The following CEP152 variants were observed in gnomAD, a reference collection of about 807,000 sequenced individuals.
CEP152 encodes centrosomal protein 152.
A neutral mutation model predicts 188.9 loss-of-function variants in CEP152; 132 were observed. The observed-to-expected ratio is 0.70, with a 90% CI of 0.61 to 0.81. The LOEUF (loss-of-function observed/expected upper bound fraction) is 0.81. Ranked by LOEUF, CEP152 falls within the 30% of genes least tolerant of loss-of-function variation. CEP152 has a pLI of 0.00. For missense variants in CEP152, 1,914 were observed against 1,969.8 expected (o/e 0.97, Z 0.54); for synonymous variants, 649 against 666.6 (o/e 0.97, Z 0.41).
chr15:48,783,139 T>C (rs1487061789), intron 10 of CEP152: 1 of 152,256 alleles, frequency 6.6e-6, no homozygotes, highest in Non-Finnish European at 1.5e-5. Flanking sequence ...GTTTTCACAA[T>C]GTGAGCTACT....
chr15:48,736,791 A>G (rs183886124), downstream of CEP152, among the ~76,000 whole-genome samples: 1 of 152,350 alleles, frequency 6.6e-6, no homozygotes, highest in African/African-American at 2.4e-5. Context: ...AGTTTAAATA[A>G]CTGACATGGA....
chr15:48,769,645 T>G (rs1376082532), intron 13 of CEP152, among the ~76,000 whole-genome samples: 1 of 152,216 alleles, frequency 6.6e-6, no homozygotes, highest in Non-Finnish European at 1.5e-5. Context: ...TTTTGTTTTA[T>G]AATAAATGAT....
intron 20 of CEP152, 22 bp from the exon 21 acceptor site, chr15:48,752,491 G>T: frequency 6.2e-7 from 1 of 1,611,890 alleles, no homozygotes; most frequent in Non-Finnish European, 8.5e-7. Context: ...TATCTTCAAA[G>T]TTAATGCTTA....
At position 48,782,193 on chromosome 15, in the gene CEP152, C is replaced by A; in HGVS notation, c.1359G>T (p.Leu453=). The stretch of plus-strand genomic sequence containing the variant: ...TAGCATGTGCCTTCTGTGCTTGCTG[C>A]AGCTGGAACTGTAGCTGAGCCACCT... ...VQEVAQLQFQ[L]QQAQKAHAMS... Residue 453 remains leucine (L), a synonymous_variant, in exon 11 of 27, where the codon CTG becomes CTT. Transcript: ENST00000380950. 6.2e-7 allele frequency: 1 copy of A among 1,613,904 alleles called. No individual in the cohort carries two copies. Among genetic ancestry groups the A allele is most frequent in the Non-Finnish European group, 8.5e-7 (1 of 1,179,858 alleles).
At chr15:48,731,960 T>C (rs987418503) in intron 2 of CEP152, among the ~76,000 whole-genome samples, 2 of 152,132 alleles carry the variant, frequency 1.3e-5, no homozygotes, top group Admixed American at 1.3e-4. Context: ...ATTAGAGAAA[T>C]GCAAATCAAA....
At chr15:48,748,737 AGT>A in intron 21 of CEP152, 127 bp from the exon 22 acceptor site, 1 of 1,013,438 alleles carries the variant, frequency 9.9e-7, no homozygotes, top group Non-Finnish European at 1.3e-6. Flanking sequence ...CGACTGAAAG[AGT>A]GTGATGCTTA....
intron 2 of CEP152, among the ~76,000 whole-genome samples, chr15:48,798,797 A>C (rs568561839): frequency 6.6e-6 from 1 of 152,296 alleles, no homozygotes; most frequent in Non-Finnish European, 1.5e-5. Context: ...AGACAAAATT[A>C]ATTCATTCAA....
At chr15:48,786,251 T>A (rs1382522350) in intron 9 of CEP152, among the ~76,000 whole-genome samples, 5 of 151,976 alleles carry the variant, frequency 3.3e-5, no homozygotes, top group Non-Finnish European at 7.4e-5. Context: ...GAGGTAAAAG[T>A]CAGTTTGGTG....
chr15:48,784,170 A>G, intron 9 of CEP152, 50 bp from the exon 10 acceptor site: 1 of 1,541,944 alleles, frequency 6.5e-7, no homozygotes, highest in Non-Finnish European at 8.9e-7. Context: ...AGTTTTAATA[A>G]AGAGTAAACT....
rs1892736327 is a variant in CEP152, at chr15:48,738,634, A to G, written c.4748T>C (p.Phe1583Ser). The change falls in exon 27 of 27, where the codon TTT becomes TCT. Residue 1583 changes from phenylalanine to serine, a missense_variant. Physicochemically the swap from Phe to Ser is radical, Grantham distance 155 (BLOSUM62 -2). Coordinates refer to ENST00000380950, the MANE Select transcript of CEP152 (RefSeq NM_001194998.2). ...TACAAATGATGCTTCACGACTGTCA[A>G]AGGATAAGGTTGCACTGCTGGAAGG... ...GWPSSSATLS[F>S]DSREASFVHG... is the part of the protein sequence containing the mutation. 3 of 1,614,076 alleles carry G rather than the reference A, an allele frequency of 1.9e-6. No homozygotes were observed. The African/African-American group carries it at 4.0e-5, about 22-fold the overall frequency.
intron 21 of CEP152, among the ~76,000 whole-genome samples, chr15:48,750,320 AAAAT>A (rs1272898658): frequency 1.3e-5 from 2 of 152,140 alleles, no homozygotes; most frequent in African/African-American, 4.8e-5. Flanking sequence ...TTATAAAATT[AAAAT>A]ATACAAAAAT....
chr15:48,744,898 T>C lies in CEP152; in HGVS notation c.3729A>G (p.Pro1243=), dbSNP rs562708873. ...EELQTLCKTP[P]RSLSAGAIEN... is the part of the protein sequence containing the mutation. ...ACTTTAAAATAGTAAAAGTATACCT[T>C]GGTGGTGTTTTACAAAGTGTTTGCA... The change falls in exon 23 of 27, where the codon CCA becomes CCG. Residue 1243 remains proline (P), a splice_region_variant and synonymous_variant. Coordinates refer to ENST00000380950, the MANE Select transcript of CEP152 (RefSeq NM_001194998.2). The C allele has an allele frequency of 2.7e-4, 429 of 1,608,702 alleles. 7 individuals are homozygous for C. The South Asian group carries it at 4.1e-3, about 15-fold the overall frequency.
intron 12 of CEP152, 133 bp downstream of exon 12, chr15:48,781,063 G>C: frequency 1.3e-6 from 1 of 774,018 alleles, no homozygotes; most frequent in South Asian, 1.6e-5. Flanking sequence ...ACTGATAAAT[G>C]CAAGGTATCT....
intron 2 of CEP152, 125 bp downstream of exon 2, chr15:48,805,438 G>GT (rs142872029): frequency 0.032 from 37,729 of 1,161,478 alleles, 782 homozygotes; most frequent in East Asian, 0.15. Context: ...TTTTAGGGTT[G>GT]TTTTTTTTTT....
rs975908750 is a variant in CEP152 at position 48,793,275 on chromosome 15, T to G, written c.832+46A>C. 3.1e-6 allele frequency: 5 copies of G among 1,607,518 alleles called. No individual in the cohort carries two copies. In the African/African-American group the frequency reaches 6.7e-5, roughly 21 times the overall value. ...TAATCTGAGGTTATTGGAAACAAGATATCTAACTCAGTGTACCTCATAAAT... is the reference window on the plus strand; with the variant it reads ...TAATCTGAGGTTATTGGAAACAAGAGATCTAACTCAGTGTACCTCATAAAT... On this transcript the variant is annotated intron_variant, in intron 7 of 26. Coordinates refer to ENST00000380950, the MANE Select transcript of CEP152 (RefSeq NM_001194998.2).
At chr15:48,785,539 C>A (rs1295688457) in intron 9 of CEP152, among the ~76,000 whole-genome samples, 1 of 152,008 alleles carries the variant, frequency 6.6e-6, no homozygotes, top group Non-Finnish European at 1.5e-5. Flanking sequence ...TATTTATATT[C>A]TGGGGAGGTC....
intron 2 of CEP152, among the ~76,000 whole-genome samples, chr15:48,801,896 C>T (rs529464766): frequency 1.3e-5 from 2 of 152,124 alleles, no homozygotes; most frequent in East Asian, 1.9e-4. Context: ...GAGTTCAAGA[C>T]CAGCCTGGCC....
chr15:48,781,856 T>C (rs1049611900), intron 11 of CEP152, among the ~76,000 whole-genome samples: 3 of 152,134 alleles, frequency 2.0e-5, no homozygotes, highest in African/African-American at 4.8e-5. Context: ...CCCACCCCCA[T>C]AGATGAACTG....
At chr15:48,759,351 G>A (rs1894511706) in intron 19 of CEP152, among the ~76,000 whole-genome samples, 1 of 152,214 alleles carries the variant, frequency 6.6e-6, no homozygotes, top group South Asian at 2.1e-4. Flanking sequence ...TTTTTCCAAA[G>A]TGTTACCTGG....
Sources: allele counts gnomAD v4.1 joint callset (sites outside exome capture counted in the v4.1 genomes callset), GRCh38; gene constraint gnomAD v4.1.1; transcripts MANE v1.5; gene names NCBI Gene and HGNC (gene_info 2026-07-23, HGNC 2026-07-21).